The following DDX39B variants were observed in gnomAD, a reference collection of about 807,000 sequenced individuals.
The protein encoded by DDX39B is DExD-box helicase 39B, also known as spliceosome RNA helicase DDX39B.
DDX39B carries 6 observed loss-of-function variants against 46.4 expected under a neutral mutation model. That is an observed-to-expected ratio of 0.13 (90% CI 0.07 to 0.26). DDX39B has a LOEUF of 0.26. DDX39B is among the 10% of genes least tolerant of loss of function. The pLI is 1.00. For synonymous variants in DDX39B, 174 were observed against 199.4 expected, an observed-to-expected ratio of 0.87 and a Z score of 1.07; for missense variants, 185 against 553.4, an observed-to-expected ratio of 0.33 and a Z score of 6.68.
chr6:31,532,575 GTTA>G (rs1204335923), intron 7 of DDX39B: 1 of 567,820 alleles, frequency 1.8e-6, no homozygotes. Context: ...TTTCCTTGAG[GTTA>G]TTGAGGACAT....
At position 31,531,563 on chromosome 6, in the gene DDX39B, G is replaced by A. The variant is rs1767168944; in HGVS notation, c.868-158C>T. 1 of 680,610 alleles carries A rather than the reference G, an allele frequency of 1.5e-6. No individual in the cohort carries two copies. Among genetic ancestry groups the A allele is most frequent in the African/African-American group, 1.8e-5 (1 of 55,206 alleles). The allele number at this position is 680,610 out of a possible 1,614,324, so 42.2% of individuals were successfully genotyped here. A position where few individuals can be genotyped will look rare whatever the true frequency, so the allele number is the denominator to read the frequency against. On this transcript the variant is annotated intron_variant, in intron 7 of 10. Transcript: ENST00000396172. The surrounding 1 kb of genome is among the most constrained non-coding windows in gnomAD (Gnocchi z 5.8). ...CCACTATATATTTAGAGCAGAAAAG[G>A]AAATATAACTTTACTTCAGCACTGA...
intron 1 of DDX39B, chr6:31,541,301 CA>C: frequency 2.2e-6 from 1 of 453,586 alleles, no homozygotes; most frequent in Non-Finnish European, 4.5e-6. Context: ...GGCTCGGCCA[CA>C]AAAAAACAAA....
At position 31,535,513 on chromosome 6, in the gene DDX39B, G is replaced by A. The variant is rs1365771862; in HGVS notation, c.617-28C>T. On this transcript the variant is annotated intron_variant, in intron 5 of 10. Transcript: ENST00000396172. This position sits in a 1 kb window ranked among gnomAD's most constrained non-coding sequence, Gnocchi z 4.6. ...ACAAGAACAAGGAAAAAAATTGTAG[G>A]AGAAAATAAGCAGGTATGATAAACA... The A allele has an allele frequency of 1.9e-6, 3 of 1,575,146 alleles. No individual in the cohort carries two copies. Among genetic ancestry groups the A allele is most frequent in the South Asian group, 1.1e-5 (1 of 90,130 alleles).
At chr6:31,540,830 C>T (rs1262637308) in intron 1 of DDX39B, 166 bp from the exon 2 acceptor site, 1 of 493,264 alleles carries the variant, frequency 2.0e-6, no homozygotes, top group Non-Finnish European at 3.6e-6. Context: ...ACAGAAAAAG[C>T]AGTACCAGGG....
Position 31,535,754 on chromosome 6 carries a change from G to A in DDX39B, c.617-269C>T, listed in dbSNP as rs1003627431. On this transcript the variant is annotated intron_variant, in intron 5 of 10. Transcript: ENST00000396172. The surrounding 1 kb of genome is among the most constrained non-coding windows in gnomAD (Gnocchi z 4.6). ...TCAAGGCCTTCAAAACATGCTTTAT[G>A]GGACCTTCTCCCAACCCTTTCCTGC... Among the ~76,000 whole-genome samples the A allele has an allele frequency of 6.6e-6, 1 of 152,126 alleles. No homozygotes were observed. The highest frequency in any genetic ancestry group is 1.5e-5 in the Non-Finnish European group (1 of 68,030).
intron 2 of DDX39B, among the ~76,000 whole-genome samples, chr6:31,539,982 T>A (rs1768219793): frequency 1.8e-5 from 1 of 55,688 alleles, no homozygotes; most frequent in African/African-American, 8.1e-5. Flanking sequence ...TTGATACTTA[T>A]CCCCTGATTT....
chr6:31,541,982 C>T lies in DDX39B; in HGVS notation c.-165G>A, dbSNP rs767759675. 3.0e-6 allele frequency: 2 copies of T among 676,486 alleles called. No homozygotes were observed. Among genetic ancestry groups the T allele is most frequent in the East Asian group, 2.7e-5 (1 of 36,570 alleles). The allele number at this position is 676,486 out of a possible 1,614,324, so 41.9% of individuals were successfully genotyped here. A position where few individuals can be genotyped will look rare whatever the true frequency, so the allele number is the denominator to read the frequency against. On this transcript the variant is annotated 5_prime_UTR_variant, in exon 1 of 11. Transcript: ENST00000396172. ...GGGAGAGCGCGTATGGCGGCAGCAA[C>T]AGCGACGAAGGAGGGAAATCTGCCT...
rs755961309 is a variant in DDX39B, at chr6:31,531,410, T to TGTGGG, written c.868-10_868-6dup. ...AGACTTCACAAAGATCACCACCTGT[T>TGTGGG]GTGGGGTGGGGTGGGGGGTCGCAAA... On this transcript the variant is annotated splice_region_variant and splice_polypyrimidine_tract_variant and intron_variant, in intron 7 of 10. Coordinates refer to ENST00000396172, the MANE Select transcript of DDX39B (RefSeq NM_004640.7). The surrounding 1 kb of genome is among the most constrained non-coding windows in gnomAD (Gnocchi z 5.8). The TGTGGG allele has an allele frequency of 1.5e-5, 24 of 1,612,680 alleles. No individual in the cohort carries two copies. The highest frequency in any genetic ancestry group is 2.2e-5 in the South Asian group (2 of 91,046).
At position 31,540,436 on chromosome 6, in the gene DDX39B, T is replaced by C. The variant is rs1461003672; in HGVS notation, c.97A>G (p.Lys33Glu). The change falls in exon 2 of 11, where the codon AAG becomes GAG. Residue 33 changes from lysine (K) to glutamate (E), a missense_variant. Transcript: ENST00000396172. ...GGDGAEAPAK[K>E]DVKGSYVSIH... is the part of the protein sequence containing the mutation. The stretch of plus-strand genomic sequence containing the variant: ...GAGACATAGGAGCCCTTGACATCCT[T>C]CTTGGCAGGGGCCTCAGCCCCATCT... 1 of 1,614,094 alleles carries C rather than the reference T, an allele frequency of 6.2e-7. No homozygotes were observed. The highest frequency in any genetic ancestry group is 8.5e-7 in the Non-Finnish European group (1 of 1,180,048).
At position 31,536,771 on chromosome 6, in the gene DDX39B, A is replaced by AG. The variant is rs376725953; in HGVS notation, c.433-89_433-88insC. 1,071 of 1,478,586 alleles carry AG rather than the reference A, an allele frequency of 7.2e-4. 7 individuals carry two copies. In the African/African-American group the frequency reaches 0.013, roughly 18 times the overall value. 91.6% of individuals were successfully genotyped at this position (1,478,586 alleles called of 1,614,324 possible). A position where few individuals can be genotyped will look rare whatever the true frequency, so the allele number is the denominator to read the frequency against. ...TTCCCACTCTGTTTGAGCTAAACCAATTTTTAGCATGTTTCCAAACTAAAA... is the reference window on the plus strand; with the variant it reads ...TTCCCACTCTGTTTGAGCTAAACCAAGTTTTTAGCATGTTTCCAAACTAAAA... On this transcript the variant is annotated intron_variant, in intron 4 of 10. Transcript: ENST00000396172.
chr6:31,538,014 G>A (rs1224832008), intron 4 of DDX39B, among the ~76,000 whole-genome samples: 1 of 151,676 alleles, frequency 6.6e-6, no homozygotes, highest in African/African-American at 2.4e-5. Context: ...ACAGCCTGAG[G>A]GACACAGCGA....
At chr6:31,541,424 C>CCACT (rs1768435335) in intron 1 of DDX39B, 1 of 370,068 alleles carries the variant, frequency 2.7e-6, no homozygotes, top group East Asian at 7.4e-5. Context: ...TGTTACGCTA[C>CCACT]GAAGGTGAGA....
Position 31,530,424 on chromosome 6 carries a change from G to C in DDX39B, c.*10C>G. 6.2e-7 allele frequency: 1 copy of C among 1,612,728 alleles called. No individual in the cohort carries two copies. Among genetic ancestry groups the C allele is most frequent in the Non-Finnish European group, 8.5e-7 (1 of 1,179,880 alleles). The stretch of plus-strand genomic sequence containing the variant: ...GGACAGACGGTCACATTCCAAAATG[G>C]GCGAGTCTTCTACCGTGTCTGTTCA... On this transcript the variant is annotated 3_prime_UTR_variant, in exon 11 of 11. Coordinates refer to ENST00000396172, the MANE Select transcript of DDX39B (RefSeq NM_004640.7). This position sits in a 1 kb window ranked among gnomAD's most constrained non-coding sequence, Gnocchi z 4.5.
chr6:31,536,782 G>T, intron 4 of DDX39B, 99 bp from the exon 5 acceptor site: 1 of 1,439,060 alleles, frequency 6.9e-7, no homozygotes, highest in Non-Finnish European at 9.3e-7. Context: ...TTTTTAGCAT[G>T]TTTCCAAACT....
At chr6:31,536,871 A>G (rs1767842342) in intron 4 of DDX39B, among the ~76,000 whole-genome samples, 188 bp from the exon 5 acceptor site, 1 of 152,246 alleles carries the variant, frequency 6.6e-6, no homozygotes. Flanking sequence ...GCCTAAAGTT[A>G]CATGGCTAGT....
chr6:31,538,119 T>C (rs1767993765), intron 4 of DDX39B, among the ~76,000 whole-genome samples: 1 of 152,180 alleles, frequency 6.6e-6, no homozygotes, highest in Admixed American at 6.6e-5. Flanking sequence ...GTATCACCTA[T>C]GAAGGATTCT....
At position 31,540,491 on chromosome 6, in the gene DDX39B, T is replaced by G. The variant is rs771879483; in HGVS notation, c.42A>C (p.Glu14Asp). 2 of 1,614,146 alleles carry G rather than the reference T, an allele frequency of 1.2e-6. No homozygotes were observed. The highest frequency in any genetic ancestry group is 2.2e-5 in the South Asian group (2 of 91,088). ...NDVDNELLDY[E>D]DDEVETAAGG... is the part of the protein sequence containing the mutation. ...CAGCTGCTGTCTCCACCTCATCATCTTCATAGTCCAAGAGCTCATTGTCCA... is the reference window on the plus strand; with the variant it reads ...CAGCTGCTGTCTCCACCTCATCATCGTCATAGTCCAAGAGCTCATTGTCCA... The change falls in exon 2 of 11, where the codon GAA (glutamate) becomes GAC (aspartate). Residue 14 changes from glutamate (E) to aspartate (D), a missense_variant. Around this residue, in one of 5 missense-constraint regions of DDX39B, gnomAD observed 30 missense variants for 41.6 expected, o/e 0.72. Coordinates refer to ENST00000396172, the MANE Select transcript of DDX39B (RefSeq NM_004640.7).
chr6:31,530,417 C>A lies in DDX39B; in HGVS notation c.*17G>T. 6.2e-7 allele frequency: 1 copy of A among 1,612,668 alleles called. No homozygotes were observed. Among genetic ancestry groups the A allele is most frequent in the Non-Finnish European group, 8.5e-7 (1 of 1,179,864 alleles). On this transcript the variant is annotated 3_prime_UTR_variant, in exon 11 of 11. Transcript: ENST00000396172. This position sits in a 1 kb window ranked among gnomAD's most constrained non-coding sequence, Gnocchi z 4.5. The stretch of plus-strand genomic sequence containing the variant: ...TCCTGAAGGACAGACGGTCACATTC[C>A]AAAATGGGCGAGTCTTCTACCGTGT...
In DDX39B at chr6:31,541,989, G is replaced by A. The variant is rs1303451967; in HGVS notation, c.-172C>T. 4.4e-6 allele frequency: 3 copies of A among 678,076 alleles called. No homozygotes were observed. Among genetic ancestry groups the A allele is most frequent in the Admixed American group, 2.0e-5 (1 of 48,836 alleles). The allele number at this position is 678,076 out of a possible 1,614,324, so 42.0% of individuals were successfully genotyped here. ...CGCGTATGGCGGCAGCAACAGCGAC[G>A]AAGGAGGGAAATCTGCCTTCACTTC... is the stretch of plus-strand genomic sequence containing the variant. On this transcript the variant is annotated 5_prime_UTR_variant, in exon 1 of 11. Transcript: ENST00000396172.
Sources: gnomAD v4.1 joint callset for allele counts (sites outside exome capture counted in the v4.1 genomes callset) on GRCh38, gnomAD v4.1.1 for gene constraint, gnomAD v4.1.1 regional missense constraint, Gnocchi (gnomAD v3.1) non-coding constraint, MANE v1.5 for transcripts, NCBI Gene and HGNC (gene_info 2026-07-23, HGNC 2026-07-21) for gene names.